Variants in COPS9 observed in about 807,000 individuals in gnomAD.
COPS9 encodes COP9 signalosome complex subunit 9.
COPS9 carries 8 observed loss-of-function variants against 7.2 expected under a neutral mutation model. That is an observed-to-expected ratio of 1.11 (90% CI 0.65 to 2.00). The LOEUF (loss-of-function observed/expected upper bound fraction) is 2.00, where lower values mean the gene tolerates loss of function less well. Among genes scored for constraint, COPS9 ranks in the 30% most tolerant of loss-of-function variants. The pLI is 0.00. For missense variants in COPS9, 74 were observed against 77.7 expected, an observed-to-expected ratio of 0.95 and a Z score of 0.18; for synonymous variants, 39 against 28.7, an observed-to-expected ratio of 1.36 and a Z score of -1.14.
rs1449696051 is a variant in COPS9, at chr2:240,133,993, T to C, written c.76A>G (p.Thr26Ala). 1.2e-6 allele frequency: 2 copies of C among 1,614,144 alleles called. No individual in the cohort carries two copies. Among genetic ancestry groups the C allele is most frequent in the Non-Finnish European group, 1.7e-6 (2 of 1,180,028 alleles). ...YVDLDEAGGS[T>A]GLLMDLAANE... ...GCTGCCAAGTCCATCAAGAGCCCGG[T>C]GCTGCCTCCCGCCTGGGGAATGGAA... Residue 26 changes from threonine to alanine, a missense_variant, in exon 2 of 3, where the codon ACC becomes GCC. Thr to Ala is a moderately conservative substitution (Grantham distance 58, BLOSUM62 0). Transcript: ENST00000607357.
rs771251981 is a variant in COPS9, at chr2:240,131,060, G to GTCA, written c.162_164dup (p.Asp55dup). The GTCA allele has an allele frequency of 1.2e-6, 2 of 1,613,086 alleles. No homozygotes were observed. Among genetic ancestry groups the GTCA allele is most frequent in the Non-Finnish European group, 1.7e-6 (2 of 1,179,716 alleles). ...GCAGCCAGAGGGCATCTCACTGGAT[G>GTCA]TCATCATCATCAAAAAGATCTTCAA... On this transcript the variant is annotated inframe_insertion, in exon 3 of 3. Transcript: ENST00000607357.
intron 1 of COPS9, chr2:240,135,949 C>G (rs1405500926): frequency 6.1e-6 from 3 of 493,892 alleles, no homozygotes; most frequent in African/African-American, 4.1e-5. Flanking sequence ...TTCCCGGGGG[C>G]CGTGGGGGCA....
At chr2:240,127,235 C>T (rs1458526256), downstream of COPS9, among the ~76,000 whole-genome samples, 1 of 151,518 alleles carries the variant, frequency 6.6e-6, no homozygotes, top group Non-Finnish European at 1.5e-5. Flanking sequence ...TGACCCCCAC[C>T]CCCACCCCTA....
At position 240,132,464 on chromosome 2, in the gene COPS9, G is replaced by C. The variant is rs1243842119; in HGVS notation, c.137-1376C>G. On this transcript the variant is annotated intron_variant, in intron 2 of 2. Transcript: ENST00000607357. The surrounding 1 kb of genome is among the most constrained non-coding windows in gnomAD (Gnocchi z 4.1). ...TGGGTGGGCAGGCAGGGGACACAGA[G>C]CTCTCCTGCGTCCCCTCCCTGACCG... is the stretch of plus-strand genomic sequence containing the variant. Among the ~76,000 whole-genome samples, 2 of 152,166 alleles carry C rather than the reference G, an allele frequency of 1.3e-5. No individual in the cohort carries two copies. Among genetic ancestry groups the C allele is most frequent in the Non-Finnish European group, 2.9e-5 (2 of 68,028 alleles).
At chr2:240,130,752 G>A, downstream of COPS9, 1 of 1,273,202 alleles carries the variant, frequency 7.9e-7, no homozygotes, top group South Asian at 2.4e-5. Flanking sequence ...GCACATGCAT[G>A]CACACACAAA....
rs1179968039 is a variant in COPS9, at chr2:240,130,872, C to T, written c.*179G>A. 13 of 1,424,992 alleles carry T rather than the reference C, an allele frequency of 9.1e-6. No homozygotes were observed. The highest frequency in any genetic ancestry group is 5.1e-5 in the East Asian group (2 of 39,436). 88.3% of individuals were successfully genotyped at this position (1,424,992 alleles called of 1,614,324 possible). ...TTGGAGTGAGGACAAAACCTGATCCCGTTCAGAGATGAACAGAATCATCTA... is the reference window on the plus strand; with the variant it reads ...TTGGAGTGAGGACAAAACCTGATCCTGTTCAGAGATGAACAGAATCATCTA... On this transcript the variant is annotated 3_prime_UTR_variant, in exon 3 of 3. Coordinates refer to ENST00000607357, the MANE Select transcript of COPS9 (RefSeq NM_001163424.2).
downstream of COPS9, among the ~76,000 whole-genome samples, chr2:240,127,546 C>G (rs2106554103): frequency 6.6e-6 from 1 of 152,284 alleles, no homozygotes; most frequent in South Asian, 2.1e-4. Flanking sequence ...AATCCTCACC[C>G]CCAACCCCCA....
downstream of COPS9, among the ~76,000 whole-genome samples, chr2:240,128,739 C>T (rs748338827): frequency 5.9e-5 from 9 of 152,144 alleles, no homozygotes; most frequent in Admixed American, 4.6e-4. Flanking sequence ...AGCTGCAGTC[C>T]GATCACCCAG....
chr2:240,130,104 G>A (rs1437703214), downstream of COPS9: 4 of 1,193,184 alleles, frequency 3.4e-6, no homozygotes, highest in East Asian at 2.5e-5. Context: ...GAGAAAAAGA[G>A]GCAGAGCTGA....
downstream of COPS9, chr2:240,130,789 C>G (rs185266720): frequency 2.9e-6 from 4 of 1,364,108 alleles, no homozygotes; most frequent in Non-Finnish European, 3.8e-6. Context: ...GGGACTGCAA[C>G]ATTCACTCAT....
downstream of COPS9, among the ~76,000 whole-genome samples, chr2:240,128,464 G>A (rs910749688): frequency 1.3e-5 from 2 of 152,148 alleles, no homozygotes; most frequent in East Asian, 1.9e-4. Context: ...AGGCTCCCTC[G>A]CCCTCGGCCC....
At chr2:240,127,707 C>T (rs1295537966), downstream of COPS9, among the ~76,000 whole-genome samples, 1 of 152,184 alleles carries the variant, frequency 6.6e-6, no homozygotes, top group Non-Finnish European at 1.5e-5. Flanking sequence ...TCACCAGGCT[C>T]AGTGCCCTTG....
intron 1 of COPS9, chr2:240,134,322 G>A (rs574459131): frequency 2.3e-4 from 61 of 268,982 alleles, no homozygotes; most frequent in Admixed American, 1.2e-3. Flanking sequence ...ATCCCTCGCC[G>A]GACATCGCCA....
In COPS9 at chr2:240,135,855, G is replaced by GATTGATTCCCCACCCGC. The variant is rs1553595591; in HGVS notation, c.63+366_63+367insGCGGGTGGGGAATCAAT. 948 of 261,008 alleles carry GATTGATTCCCCACCCGC rather than the reference G, an allele frequency of 3.6e-3. 2 individuals carry two copies. The highest frequency in any genetic ancestry group is 5.5e-3 in the Non-Finnish European group (757 of 138,586). The allele number at this position is 261,008 out of a possible 1,614,324, so 16.2% of individuals were successfully genotyped here. ...TAACACGAGCTCAAATCCCACACGA[G>GATTGATTCCCCACCCGC]GTTATGGAGACGCACCGCGGGCCCC... On this transcript the variant is annotated intron_variant, in intron 1 of 2. Transcript: ENST00000607357.
downstream of COPS9, chr2:240,126,664 T>C (rs201694457): frequency 2.2e-5 from 36 of 1,614,062 alleles, no homozygotes; most frequent in Non-Finnish European, 2.9e-5. Context: ...CTCCAGTGAG[T>C]AGAAACTGAT....
At chr2:240,136,000 C>T (rs912183011) in intron 1 of COPS9, 3 of 700,186 alleles carry the variant, frequency 4.3e-6, no homozygotes, top group African/African-American at 1.9e-5. Context: ...CTCCTGGTCC[C>T]CCGGGCTAGG....
chr2:240,136,054 G>C, intron 1 of COPS9, 168 bp downstream of exon 1: 1 of 1,124,196 alleles, frequency 8.9e-7, no homozygotes. Flanking sequence ...TTCACCAGGT[G>C]CTCGGAGAAA....
chr2:240,130,133 A>G, downstream of COPS9: 1 of 861,772 alleles, frequency 1.2e-6, no homozygotes, highest in Non-Finnish European at 1.8e-6. Context: ...TCTGCTTAAG[A>G]TCTCACCTGG....
downstream of COPS9, among the ~76,000 whole-genome samples, chr2:240,127,349 C>T (rs571347187): frequency 6.6e-6 from 1 of 151,872 alleles, no homozygotes; most frequent in East Asian, 2.0e-4. Context: ...AGTCCCAGGG[C>T]CCCTGTTAAC....
Sources: gnomAD v4.1 joint callset for allele counts (sites outside exome capture counted in the v4.1 genomes callset) on GRCh38, gnomAD v4.1.1 for gene constraint, Gnocchi (gnomAD v3.1) non-coding constraint, MANE v1.5 for transcripts, NCBI Gene and HGNC (gene_info 2026-07-23, HGNC 2026-07-21) for gene names.